The following PPP6R3 variants were observed in gnomAD, a reference collection of about 807,000 sequenced individuals.
PPP6R3 encodes serine/threonine-protein phosphatase 6 regulatory subunit 3.
A neutral mutation model predicts 110.7 loss-of-function variants in PPP6R3; 38 were observed. The observed-to-expected ratio is 0.34, with a 90% CI of 0.26 to 0.45. PPP6R3 has a LOEUF of 0.45. PPP6R3 is among the 20% of genes least tolerant of loss of function. PPP6R3 has a pLI of 1.00. For synonymous variants in PPP6R3, 369 were observed against 373.5 expected, an observed-to-expected ratio of 0.99 and a Z score of 0.14; for missense variants, 870 against 1,062.4, an observed-to-expected ratio of 0.82 and a Z score of 2.52.
chr11:68,614,814 TC>T lies in PPP6R3; in HGVS notation c.*1699del. The T allele has an allele frequency of 6.9e-7, 1 of 1,445,048 alleles. No homozygotes were observed. The highest frequency in any genetic ancestry group is 9.5e-7 in the Non-Finnish European group (1 of 1,055,210). The allele number at this position is 1,445,048 out of a possible 1,614,324, so 89.5% of individuals were successfully genotyped here. ...AAGCAGCACCCCCAGAGGACAGGGCTCCTCCTGCTTGCCTCAGGGCTGCCTG... is the reference window on the plus strand; with the variant it reads ...AAGCAGCACCCCCAGAGGACAGGGCTCTCCTGCTTGCCTCAGGGCTGCCTG... On this transcript the variant is annotated 3_prime_UTR_variant, in exon 24 of 24. Coordinates refer to ENST00000393800, the MANE Select transcript of PPP6R3 (RefSeq NM_001164161.2).
chr11:68,595,211 T>A (rs1248293169), intron 18 of PPP6R3, among the ~76,000 whole-genome samples: 2 of 64,540 alleles, frequency 3.1e-5, no homozygotes, highest in Non-Finnish European at 5.9e-5. Context: ...TTTTTTTTTT[T>A]TTTTTTTTTT....
chr11:68,547,053 C>A (rs529404031), intron 4 of PPP6R3, among the ~76,000 whole-genome samples: 1 of 152,204 alleles, frequency 6.6e-6, no homozygotes, highest in African/African-American at 2.4e-5. Context: ...GTATTTATAC[C>A]TAATTGTATG....
At chr11:68,475,291 A>G (rs1282382420) in intron 1 of PPP6R3, among the ~76,000 whole-genome samples, 1 of 152,340 alleles carries the variant, frequency 6.6e-6, no homozygotes, top group East Asian at 1.9e-4. Context: ...ACAGAACAAA[A>G]TGAAGTCTCC....
intron 1 of PPP6R3, among the ~76,000 whole-genome samples, chr11:68,514,254 A>T (rs1013449079): frequency 6.6e-6 from 1 of 151,832 alleles, no homozygotes; most frequent in Admixed American, 6.6e-5. Flanking sequence ...TTTTTTTTGT[A>T]GGGGTGGGAT....
chr11:68,511,495 T>TGTGTGTGTGTGTGTGTGTGTG (rs56327782), intron 1 of PPP6R3, among the ~76,000 whole-genome samples: 12 of 147,890 alleles, frequency 8.1e-5, no homozygotes, highest in South Asian at 4.3e-4. Flanking sequence ...TGTGTGTGTG[T>TGTGTGTGTGTGTGTGTGTGTG]TTTGAGTTGG....
intron 1 of PPP6R3, among the ~76,000 whole-genome samples, chr11:68,508,621 T>C (rs1350125461): frequency 6.6e-6 from 1 of 152,242 alleles, no homozygotes; most frequent in East Asian, 1.9e-4. Flanking sequence ...GCAAGTTCAC[T>C]TAGATGCTGT....
At chr11:68,493,212 C>G (rs912187227) in intron 1 of PPP6R3, among the ~76,000 whole-genome samples, 1 of 152,124 alleles carries the variant, frequency 6.6e-6, no homozygotes, top group Non-Finnish European at 1.5e-5. Flanking sequence ...TAGTTATTTG[C>G]TCTCTGAGCT....
intron 12 of PPP6R3, chr11:68,571,306 G>T (rs2099505365): frequency 1.4e-6 from 1 of 730,230 alleles, no homozygotes; most frequent in Non-Finnish European, 2.0e-6. Flanking sequence ...CTTGTTTTTG[G>T]GGCAAAACAA....
intron 1 of PPP6R3, among the ~76,000 whole-genome samples, chr11:68,478,452 T>C (rs2098854550): frequency 6.6e-6 from 1 of 152,254 alleles, no homozygotes; most frequent in East Asian, 1.9e-4. Context: ...AAAACTTAAG[T>C]ATCTTTTGTC....
intron 22 of PPP6R3, among the ~76,000 whole-genome samples, chr11:68,605,846 C>T (rs1162741778): frequency 6.6e-6 from 1 of 152,176 alleles, no homozygotes; most frequent in Non-Finnish European, 1.5e-5. Context: ...CTGTCAGTTA[C>T]AGTAGTAAGT....
At chr11:68,591,550 G>GT (rs768584160) in intron 17 of PPP6R3, 26 bp from the exon 18 acceptor site, 11 of 1,557,080 alleles carry the variant, frequency 7.1e-6, no homozygotes, top group Non-Finnish European at 9.6e-6. Context: ...TTATTTTGTT[G>GT]TTTTTTTCCT....
chr11:68,473,298 G>A lies in PPP6R3; in HGVS notation c.-158+12471G>A, dbSNP rs114140600. Among the ~76,000 whole-genome samples, 1,465 of 152,266 alleles carry A rather than the reference G, an allele frequency of 9.6e-3. 25 individuals carry two copies. The highest frequency in any genetic ancestry group is 0.034 in the African/African-American group (1,395 of 41,552). Reference sequence around the variant, plus strand: ...TCAGTTGTGCCCAAGTAATGTCACTGCCATAAAAATCTGGAAAGACTGGGT... The same window carrying A: ...TCAGTTGTGCCCAAGTAATGTCACTACCATAAAAATCTGGAAAGACTGGGT... On this transcript the variant is annotated intron_variant, in intron 1 of 23. Coordinates refer to ENST00000393800, the MANE Select transcript of PPP6R3 (RefSeq NM_001164161.2).
intron 2 of PPP6R3, among the ~76,000 whole-genome samples, chr11:68,533,488 G>A (rs1276345003): frequency 6.6e-6 from 1 of 151,910 alleles, no homozygotes; most frequent in Non-Finnish European, 1.5e-5. Flanking sequence ...AGAGGTGGTC[G>A]ATTGCTTGAG....
intron 19 of PPP6R3, among the ~76,000 whole-genome samples, chr11:68,598,551 G>A (rs3758645): frequency 0.056 from 8,564 of 152,266 alleles, 253 homozygotes; most frequent in Middle Eastern, 0.13. Context: ...AAGTGGGTAG[G>A]GTTGGGGAAG....
chr11:68,580,746 C>CT (rs71043441), intron 14 of PPP6R3, among the ~76,000 whole-genome samples: 2 of 67,476 alleles, frequency 3.0e-5, no homozygotes, highest in African/African-American at 5.2e-5. Flanking sequence ...GGTAAATAAT[C>CT]TTTTTTTTTT....
At chr11:68,461,048 C>A (rs2098701168) in intron 1 of PPP6R3, among the ~76,000 whole-genome samples, 2 of 151,650 alleles carry the variant, frequency 1.3e-5, no homozygotes, top group African/African-American at 4.8e-5. Flanking sequence ...CCGGGGGCCC[C>A]GCCAGGACGG....
chr11:68,561,812 G>A (rs2099423502), intron 8 of PPP6R3, among the ~76,000 whole-genome samples: 1 of 152,196 alleles, frequency 6.6e-6, no homozygotes, highest in African/African-American at 2.4e-5. Context: ...AGACTGGAGT[G>A]CAGTGGCACA....
At chr11:68,535,650 A>C (rs1684608549) in intron 2 of PPP6R3, 2 of 151,728 alleles carry the variant, frequency 1.3e-5, no homozygotes, top group African/African-American at 2.4e-5. Flanking sequence ...CTCCTTAAGG[A>C]GCTTTTGGAA....
At position 68,576,022 on chromosome 11, in the gene PPP6R3, CAA is replaced by C; in HGVS notation, c.1525_1526del (p.Lys509GlufsTer17). 1 of 1,609,152 alleles carries C rather than the reference CAA, an allele frequency of 6.2e-7. No individual in the cohort carries two copies. The highest frequency in any genetic ancestry group is 8.5e-7 in the Non-Finnish European group (1 of 1,176,108). Reference protein sequence around the residue: ...FCTSSLGETNKRNTVDLVTTC... With the variant: ...FCTSSLGETNXRNTVDLVTTC... Reference sequence around the variant, plus strand: ...GCACAAGCTCCTTAGGAGAAACTAACAAGAGGAACACGGTAGATCTAGTAGGT... The same window carrying C: ...GCACAAGCTCCTTAGGAGAAACTAACGAGGAACACGGTAGATCTAGTAGGT... On this transcript the variant is annotated frameshift_variant, in exon 14 of 24. Coordinates refer to ENST00000393800, the MANE Select transcript of PPP6R3 (RefSeq NM_001164161.2). LOFTEE classifies it high-confidence loss of function.
Sources: allele counts gnomAD v4.1 joint callset (sites outside exome capture counted in the v4.1 genomes callset), GRCh38; gene constraint gnomAD v4.1.1; transcripts MANE v1.5; gene names NCBI Gene and HGNC (gene_info 2026-07-23, HGNC 2026-07-21).